SPIN1: variants seen among roughly 807,000 people sequenced by gnomAD.
The protein encoded by SPIN1 is spindlin-1.
A neutral mutation model predicts 26.0 loss-of-function variants in SPIN1; 3 were observed. The observed-to-expected ratio is 0.12, with a 90% CI of 0.05 to 0.30. The LOEUF (loss-of-function observed/expected upper bound fraction) is 0.30. Among genes scored for constraint, SPIN1 ranks in the 10% least tolerant of loss-of-function variants. The pLI is 1.00. For synonymous variants in SPIN1, 101 were observed against 116.5 expected (o/e 0.87, Z 0.86); for missense variants, 126 against 333.4 (o/e 0.38, Z 4.84).
In SPIN1 at chr9:88,476,600, G is replaced by A. The variant is rs1828893187; in HGVS notation, c.*1323G>A. 6.6e-6 allele frequency: 1 copy of A among 152,216 alleles called. No individual in the cohort carries two copies. Among genetic ancestry groups the A allele is most frequent in the Non-Finnish European group, 1.5e-5 (1 of 68,044 alleles). The allele number at this position is 152,216 out of a possible 1,614,324, so 9.4% of individuals were successfully genotyped here. On this transcript the variant is annotated 3_prime_UTR_variant, in exon 6 of 6. Coordinates refer to ENST00000375859, the MANE Select transcript of SPIN1 (RefSeq NM_006717.3). ...GTTACCATAGAAGAGCCAGCCGTTTGTGTTCGCTTGGTAGGTGTAAGTAAT... is the reference window on the plus strand; with the variant it reads ...GTTACCATAGAAGAGCCAGCCGTTTATGTTCGCTTGGTAGGTGTAAGTAAT...
Position 88,478,131 on chromosome 9 carries a change from A to G in SPIN1, c.*2854A>G, listed in dbSNP as rs559945081. 3 of 152,502 alleles carry G rather than the reference A, an allele frequency of 2.0e-5. No homozygotes were observed. Among genetic ancestry groups the G allele is most frequent in the East Asian group, 3.9e-4 (2 of 5,190 alleles). 9.4% of individuals were successfully genotyped at this position (152,502 alleles called of 1,614,324 possible). On this transcript the variant is annotated 3_prime_UTR_variant, in exon 6 of 6. Coordinates refer to ENST00000375859, the MANE Select transcript of SPIN1 (RefSeq NM_006717.3). Reference sequence around the variant, plus strand: ...TTTCCAGTTGTAAATGTCATGCAGCATTTGAAGGGACTGTGTTTTCTTAAA... The same window carrying G: ...TTTCCAGTTGTAAATGTCATGCAGCGTTTGAAGGGACTGTGTTTTCTTAAA...
chr9:88,434,742 A>C (rs906412187), intron 2 of SPIN1, among the ~76,000 whole-genome samples: 4 of 151,730 alleles, frequency 2.6e-5, no homozygotes, highest in African/African-American at 4.8e-5. Flanking sequence ...AGTTGTTTCT[A>C]CTCTTCTGCT....
rs190024031 is a variant in SPIN1, at chr9:88,455,349, G to C, written c.101+6360G>C. Among the ~76,000 whole-genome samples the C allele has an allele frequency of 1.6e-3, 249 of 152,218 alleles. 2 individuals are homozygous for C. The highest frequency in any genetic ancestry group is 5.4e-3 in the Admixed American group (82 of 15,280). On this transcript the variant is annotated intron_variant, in intron 3 of 5. Transcript: ENST00000375859. ...CACATGCCTGTAATCCCAGCTACTC[G>C]GGAGGCTGAGGCAGGAGAATCGCTT...
At chr9:88,469,872 G>A (rs1261691817) in intron 5 of SPIN1, among the ~76,000 whole-genome samples, 3 of 152,172 alleles carry the variant, frequency 2.0e-5, no homozygotes, top group Admixed American at 6.5e-5. Flanking sequence ...GTGCATTTCT[G>A]TACTTTTTAA....
chr9:88,406,503 A>C (rs968044915), intron 1 of SPIN1, among the ~76,000 whole-genome samples: 17 of 151,946 alleles, frequency 1.1e-4, no homozygotes, highest in African/African-American at 4.1e-4. Flanking sequence ...CGTGTTAGCC[A>C]GCATGGTCTC....
At chr9:88,403,925 A>G (rs1213712585) in intron 1 of SPIN1, among the ~76,000 whole-genome samples, 1 of 152,180 alleles carries the variant, frequency 6.6e-6, no homozygotes. Flanking sequence ...TGTTCTGAGA[A>G]CTGCGTTGTT....
chr9:88,401,017 T>C (rs1024174972), intron 1 of SPIN1, among the ~76,000 whole-genome samples: 2 of 152,078 alleles, frequency 1.3e-5, no homozygotes, highest in Non-Finnish European at 1.5e-5. Flanking sequence ...TAATAAAATA[T>C]TAGTTCATAA....
intron 1 of SPIN1, among the ~76,000 whole-genome samples, chr9:88,407,746 A>G (rs1827340744): frequency 1.4e-5 from 2 of 147,786 alleles, no homozygotes; most frequent in Non-Finnish European, 1.5e-5. Flanking sequence ...AATCACTCCT[A>G]TGACTGGAAT....
At position 88,410,161 on chromosome 9, in the gene SPIN1, T is replaced by TTGTGTGTGTG. The variant is rs140522640; in HGVS notation, c.-158-16221_-158-16220insTGTGTGTGTG. ...TATTTGATGCTTTCATGCATATATT[T>TTGTGTGTGTG]AGTGTGTGTGTGTGTGTGTGTGTGT... On this transcript the variant is annotated intron_variant, in intron 1 of 5. Coordinates refer to ENST00000375859, the MANE Select transcript of SPIN1 (RefSeq NM_006717.3). Among the ~76,000 whole-genome samples the TTGTGTGTGTG allele has an allele frequency of 5.5e-3, 627 of 113,614 alleles. 5 individuals carry two copies. The highest frequency in any genetic ancestry group is 0.03 in the African/African-American group (562 of 18,798). 74.5% of individuals were successfully genotyped at this position (113,614 alleles called of 152,430 possible). A position where few individuals can be genotyped will look rare whatever the true frequency, so the allele number is the denominator to read the frequency against.
At chr9:88,444,691 CTT>C (rs1226379698) in intron 2 of SPIN1, among the ~76,000 whole-genome samples, 159 of 123,028 alleles carry the variant, frequency 1.3e-3, no homozygotes, top group African/African-American at 4.1e-3. Flanking sequence ...CTTTTCTTTT[CTT>C]TTTTTTTTTT....
At chr9:88,396,559 A>G (rs1351963577) in intron 1 of SPIN1, among the ~76,000 whole-genome samples, 3 of 152,018 alleles carry the variant, frequency 2.0e-5, no homozygotes, top group Non-Finnish European at 4.4e-5. Context: ...CTGAGATCAC[A>G]CCCCTGCACT....
rs185929136 is a variant in SPIN1, at chr9:88,450,673, A to G, written c.101+1684A>G. ...TTGGGGACCTTAATTTAGTGCTTTC[A>G]CAAGCATACATAGTTGTCTTGAAGA... On this transcript the variant is annotated intron_variant, in intron 3 of 5. Coordinates refer to ENST00000375859, the MANE Select transcript of SPIN1 (RefSeq NM_006717.3). Among the ~76,000 whole-genome samples, 393 of 152,342 alleles carry G rather than the reference A, an allele frequency of 2.6e-3. 2 individuals are homozygous for G. Among genetic ancestry groups the G allele is most frequent in the African/African-American group, 8.9e-3 (372 of 41,584 alleles).
chr9:88,450,998 A>C (rs140356526), intron 3 of SPIN1, among the ~76,000 whole-genome samples: 3 of 152,118 alleles, frequency 2.0e-5, no homozygotes, highest in African/African-American at 7.2e-5. Flanking sequence ...TCCTTAATGT[A>C]TCTAAGGTTG....
In SPIN1 at chr9:88,435,569, G is replaced by T. The variant is rs529814813; in HGVS notation, c.52+8978G>T. 7.2e-5 allele frequency among the ~76,000 whole-genome samples: 11 copies of T among 152,312 alleles called. No homozygotes were observed. In the East Asian group the frequency reaches 1.9e-3, roughly 27 times the overall value. On this transcript the variant is annotated intron_variant, in intron 2 of 5. Coordinates refer to ENST00000375859, the MANE Select transcript of SPIN1 (RefSeq NM_006717.3). The stretch of plus-strand genomic sequence containing the variant: ...ATGTGGTTTTGTCTGTCTTGTGGGT[G>T]AGAAATGGTGTTTCTGTGCAGTTTT...
At chr9:88,467,957 G>A (rs573046905) in intron 4 of SPIN1, among the ~76,000 whole-genome samples, 5 of 151,864 alleles carry the variant, frequency 3.3e-5, no homozygotes, top group East Asian at 1.9e-4. Flanking sequence ...AAAGTGAACC[G>A]TATACAGGAA....
intron 1 of SPIN1, among the ~76,000 whole-genome samples, chr9:88,401,439 C>T (rs1458102246): frequency 6.6e-6 from 1 of 152,110 alleles, no homozygotes; most frequent in Non-Finnish European, 1.5e-5. Flanking sequence ...TCCCCGCCTG[C>T]ACCCCACCCC....
rs368034673 is a variant in SPIN1 at position 88,393,609 on chromosome 9, C to T, written c.-159+5071C>T. Among the ~76,000 whole-genome samples, 19 of 151,766 alleles carry T rather than the reference C, an allele frequency of 1.3e-4. 1 individual carries two copies. In the South Asian group the frequency reaches 3.5e-3, roughly 28 times the overall value. The stretch of plus-strand genomic sequence containing the variant: ...TAGCTGGGTCTACAGGCATGTGCCA[C>T]CACACCTAGCTAATTTTTGTATTTT... On this transcript the variant is annotated intron_variant, in intron 1 of 5. Coordinates refer to ENST00000375859, the MANE Select transcript of SPIN1 (RefSeq NM_006717.3).
At chr9:88,462,908 C>A (rs1828598619) in intron 4 of SPIN1, among the ~76,000 whole-genome samples, 159 bp downstream of exon 4, 1 of 152,036 alleles carries the variant, frequency 6.6e-6, no homozygotes, top group African/African-American at 2.4e-5. Flanking sequence ...AAAAATGGAT[C>A]CTAAGCAGTT....
chr9:88,435,439 C>T (rs28531744), intron 2 of SPIN1, among the ~76,000 whole-genome samples: 49,354 of 151,810 alleles, frequency 0.33, 15,016 homozygotes, highest in African/African-American at 0.81. Flanking sequence ...ACTCCTGAGC[C>T]TTGTGGGCCA....
Sources: allele counts gnomAD v4.1 joint callset (sites outside exome capture counted in the v4.1 genomes callset), GRCh38; gene constraint gnomAD v4.1.1; transcripts MANE v1.5; gene names NCBI Gene and HGNC (gene_info 2026-07-23, HGNC 2026-07-21).